The following DPYD variants were observed in gnomAD, a reference collection of about 807,000 sequenced individuals.
DPYD encodes dihydropyrimidine dehydrogenase.
A neutral mutation model predicts 116.2 loss-of-function variants in DPYD; 109 were observed. The ratio of observed to expected loss-of-function variants is 0.94; its 90% CI spans 0.80 to 1.10. The LOEUF is 1.10. Among genes scored for constraint, DPYD ranks in the 50% least tolerant of loss-of-function variants. The pLI, the probability that DPYD is intolerant of heterozygous loss-of-function variation, is 0.00. For missense variants in DPYD, 1,302 were observed against 1,254.5 expected (o/e 1.04, Z -0.57); for synonymous variants, 440 against 432.0 (o/e 1.02, Z -0.23).
At chr1:97,827,417 A>G (rs1159569583) in intron 3 of DPYD, among the ~76,000 whole-genome samples, 2 of 152,104 alleles carry the variant, frequency 1.3e-5, no homozygotes, top group Non-Finnish European at 2.9e-5. Context: ...TCTGTGGATG[A>G]TGAGTTTTAT....
At chr1:97,174,402 G>A (rs996026370) in intron 20 of DPYD, among the ~76,000 whole-genome samples, 5 of 152,184 alleles carry the variant, frequency 3.3e-5, no homozygotes, top group African/African-American at 1.2e-4. Flanking sequence ...AGGAGCAGAT[G>A]TGCCCCTTCT....
At chr1:97,305,038 A>C (rs2101034782) in intron 18 of DPYD, among the ~76,000 whole-genome samples, 2 of 152,060 alleles carry the variant, frequency 1.3e-5, no homozygotes, top group South Asian at 4.2e-4. Flanking sequence ...GGACCACAAG[A>C]GAATAGAATT....
At chr1:97,405,804 A>T (rs1673624234) in intron 14 of DPYD, among the ~76,000 whole-genome samples, 2 of 152,200 alleles carry the variant, frequency 1.3e-5, no homozygotes, top group Admixed American at 1.3e-4. Context: ...GGCGTGAGCC[A>T]CTGTGCCTGG....
chr1:97,204,827 T>TTAA (rs1450239872), intron 19 of DPYD, among the ~76,000 whole-genome samples: 1 of 152,094 alleles, frequency 6.6e-6, no homozygotes, highest in African/African-American at 2.4e-5. Context: ...CCTCAGAGCA[T>TTAA]TAACATTGGA....
intron 9 of DPYD, among the ~76,000 whole-genome samples, chr1:97,594,532 A>G (rs539036133): frequency 2.0e-5 from 3 of 152,198 alleles, no homozygotes; most frequent in South Asian, 4.1e-4. Flanking sequence ...CTGACTTTGG[A>G]TAAAATATTA....
chr1:97,582,727 T>C (rs1157527558), intron 10 of DPYD, among the ~76,000 whole-genome samples: 3 of 152,188 alleles, frequency 2.0e-5, no homozygotes, highest in African/African-American at 7.2e-5. Flanking sequence ...AATGTTTTCA[T>C]TTTAAGTTTT....
intron 8 of DPYD, among the ~76,000 whole-genome samples, chr1:97,611,967 T>C (rs1014622729): frequency 2.0e-5 from 3 of 152,068 alleles, no homozygotes; most frequent in Non-Finnish European, 4.4e-5. Flanking sequence ...TAGGAAATAT[T>C]CTCATAACTT....
chr1:97,404,455 A>C (rs1673540732), intron 14 of DPYD, among the ~76,000 whole-genome samples: 1 of 152,082 alleles, frequency 6.6e-6, no homozygotes, highest in Non-Finnish European at 1.5e-5. Flanking sequence ...TCCTTGGCAT[A>C]GTTTGATGCT....
At chr1:97,266,286 G>C (rs991648714) in intron 18 of DPYD, among the ~76,000 whole-genome samples, 1 of 152,144 alleles carries the variant, frequency 6.6e-6, no homozygotes, top group Admixed American at 6.6e-5. Flanking sequence ...ACTAACTAGA[G>C]AATGAAAAAT....
chr1:97,828,898 G>A (rs1019618631), intron 2 of DPYD, among the ~76,000 whole-genome samples: 26 of 151,428 alleles, frequency 1.7e-4, no homozygotes, highest in African/African-American at 5.6e-4. Flanking sequence ...TCTACTTTTT[G>A]GTAAAATAGC....
At chr1:97,721,459 T>A (rs764851506) in intron 5 of DPYD, 51 bp downstream of exon 5, 1 of 1,603,182 alleles carries the variant, frequency 6.2e-7, no homozygotes, top group Non-Finnish European at 8.5e-7. Context: ...TTTTAAGATA[T>A]TTGTGCATGG....
intron 16 of DPYD, among the ~76,000 whole-genome samples, chr1:97,323,559 GTA>G (rs1668509698): frequency 2.0e-5 from 2 of 101,412 alleles, no homozygotes; most frequent in Admixed American, 2.1e-4. Flanking sequence ...ACATATATGT[GTA>G]TATATACACG....
intron 8 of DPYD, among the ~76,000 whole-genome samples, chr1:97,629,654 C>G (rs1237470948): frequency 6.6e-6 from 1 of 151,802 alleles, no homozygotes; most frequent in African/African-American, 2.4e-5. Flanking sequence ...TTCTGATAAT[C>G]CTATTTAAAA....
At chr1:97,802,019 T>C (rs1667871823) in intron 3 of DPYD, among the ~76,000 whole-genome samples, 1 of 151,930 alleles carries the variant, frequency 6.6e-6, no homozygotes, top group East Asian at 1.9e-4. Flanking sequence ...TTCATCAGTA[T>C]ATCAATTGAG....
intron 8 of DPYD, among the ~76,000 whole-genome samples, chr1:97,678,654 A>G (rs565019831): frequency 6.6e-6 from 1 of 152,352 alleles, no homozygotes; most frequent in Admixed American, 6.5e-5. Context: ...AAACATTTAA[A>G]AAATTCAACC....
At chr1:97,594,230 A>G (rs1316539026) in intron 9 of DPYD, among the ~76,000 whole-genome samples, 2 of 152,210 alleles carry the variant, frequency 1.3e-5, no homozygotes, top group African/African-American at 4.8e-5. Flanking sequence ...TGCTTGGAAG[A>G]TTTTGTATTT....
At chr1:97,370,730 T>A (rs1671273145) in intron 16 of DPYD, among the ~76,000 whole-genome samples, 1 of 152,208 alleles carries the variant, frequency 6.6e-6, no homozygotes, top group South Asian at 2.1e-4. Flanking sequence ...AAAGGAGATT[T>A]AAAGATCATT....
chr1:97,212,460 T>A (rs1336795633), intron 19 of DPYD, among the ~76,000 whole-genome samples: 1 of 152,166 alleles, frequency 6.6e-6, no homozygotes, highest in Non-Finnish European at 1.5e-5. Context: ...TTGTTTACCA[T>A]TCATCAACCT....
At chr1:97,316,068 T>C (rs1231536603) in intron 16 of DPYD, among the ~76,000 whole-genome samples, 2 of 152,122 alleles carry the variant, frequency 1.3e-5, no homozygotes, top group East Asian at 3.9e-4. Context: ...ATAAAGGACA[T>C]GATGCCTTTG....
Sources: allele counts gnomAD v4.1 joint callset (sites outside exome capture counted in the v4.1 genomes callset), GRCh38; gene constraint gnomAD v4.1.1; transcripts MANE v1.5; gene names NCBI Gene and HGNC (gene_info 2026-07-23, HGNC 2026-07-21).